WARS2: variants seen among roughly 807,000 people sequenced by gnomAD.
WARS2 encodes tryptophan--tRNA ligase, mitochondrial.
A neutral mutation model predicts 36.5 loss-of-function variants in WARS2; 28 were observed. The observed-to-expected ratio is 0.77, with a 90% CI of 0.57 to 1.05. The LOEUF is 1.05. WARS2 is among the 50% of genes least tolerant of loss of function. WARS2 has a pLI of 0.00. For missense variants in WARS2, 435 were observed against 456.8 expected (o/e 0.95, Z 0.44); for synonymous variants, 174 against 178.4 (o/e 0.98, Z 0.20).
At chr1:119,036,129 G>C (rs1259186858) in intron 4 of WARS2, among the ~76,000 whole-genome samples, 2 of 152,148 alleles carry the variant, frequency 1.3e-5, no homozygotes, top group Admixed American at 1.3e-4. Context: ...TCTTGAACCC[G>C]GAGGCGGAGG....
chr1:119,107,897 C>A (rs188596337), intron 1 of WARS2, among the ~76,000 whole-genome samples: 1 of 151,832 alleles, frequency 6.6e-6, no homozygotes, highest in African/African-American at 2.4e-5. Flanking sequence ...ATGAGTGTTG[C>A]GTTTTGTTAA....
rs587745286 is a variant in WARS2, at chr1:119,121,284, C to A, written c.90+19271G>T. ...TGAGAATCAAATCAAGAACTCAACC[C>A]CTTTTACAACAGCTGCAATAAAATA... is the stretch of plus-strand genomic sequence containing the variant. On this transcript the variant is annotated intron_variant, in intron 1 of 5. Transcript: ENST00000235521. 2.1e-4 allele frequency among the ~76,000 whole-genome samples: 32 copies of A among 152,144 alleles called. No individual in the cohort carries two copies. In the South Asian group the frequency reaches 6.4e-3, roughly 31 times the overall value.
chr1:119,086,581 G>A (rs922861946), intron 1 of WARS2, among the ~76,000 whole-genome samples: 19 of 152,116 alleles, frequency 1.2e-4, no homozygotes, highest in African/African-American at 4.3e-4. Context: ...CCTCACCCCA[G>A]TCAAGCACAA....
Position 119,031,233 on chromosome 1 carries a change from C to T in WARS2, c.*1678G>A, listed in dbSNP as rs540472745. ...ACAGACAATTGGCTTGATAGATCTA[C>T]CTTTAGTTTTGTCATTTTCCAGTAT... On this transcript the variant is annotated 3_prime_UTR_variant, in exon 6 of 6. Transcript: ENST00000235521. The T allele has an allele frequency of 1.3e-5, 2 of 152,252 alleles. No homozygotes were observed. Among genetic ancestry groups the T allele is most frequent in the African/African-American group, 4.8e-5 (2 of 41,528 alleles). The allele number at this position is 152,252 out of a possible 1,614,324, so 9.4% of individuals were successfully genotyped here.
intron 1 of WARS2, among the ~76,000 whole-genome samples, chr1:119,100,913 T>C (rs1296375165): frequency 6.6e-6 from 1 of 152,144 alleles, no homozygotes; most frequent in African/African-American, 2.4e-5. Context: ...GCTGGGACTA[T>C]AGGCTTGAGC....
At chr1:119,085,162 T>G (rs1301727765) in intron 1 of WARS2, 16 of 795,794 alleles carry the variant, frequency 2.0e-5, no homozygotes, top group Non-Finnish European at 3.4e-5. Context: ...CTCCGCCCTC[T>G]GTCCTTATCC....
At chr1:119,051,345 C>G (rs528868631) in intron 2 of WARS2, among the ~76,000 whole-genome samples, 263 of 152,234 alleles carry the variant, frequency 1.7e-3, no homozygotes, top group Non-Finnish European at 3.1e-3. Context: ...CGTCCATGTT[C>G]CTGCAAAGAA....
chr1:119,093,481 C>A (rs1175046735), intron 1 of WARS2, among the ~76,000 whole-genome samples: 8 of 26,694 alleles, frequency 3.0e-4, no homozygotes, highest in Admixed American at 2.7e-3. Flanking sequence ...GTCATAAATA[C>A]AATGACTTGT....
Position 119,056,078 on chromosome 1 carries a change from G to GT in WARS2, c.349-10417dup, listed in dbSNP as rs1649773452. Among the ~76,000 whole-genome samples the GT allele has an allele frequency of 2.7e-5, 4 of 150,592 alleles. No homozygotes were observed. The South Asian group carries it at 8.4e-4, about 32-fold the overall frequency. On this transcript the variant is annotated intron_variant, in intron 2 of 5. Coordinates refer to ENST00000235521, the MANE Select transcript of WARS2 (RefSeq NM_015836.4). ...CTGCTGTCCAGGCTGGAGTGCAGTG[G>GT]TGTGACCTTGGCTCACTGCAGCCTC...
intron 2 of WARS2, among the ~76,000 whole-genome samples, chr1:119,045,966 A>G (rs1377722160): frequency 6.6e-6 from 1 of 152,122 alleles, no homozygotes; most frequent in East Asian, 1.9e-4. Flanking sequence ...CATCTGTTCT[A>G]TCTGTAAAAA....
chr1:119,049,212 G>C (rs948049947), intron 2 of WARS2, among the ~76,000 whole-genome samples: 6 of 152,204 alleles, frequency 3.9e-5, no homozygotes, highest in African/African-American at 1.2e-4. Flanking sequence ...GGCCACTGAC[G>C]GGCGGAACGA....
chr1:119,122,909 GA>G (rs1051933409), intron 1 of WARS2, among the ~76,000 whole-genome samples: 7 of 151,356 alleles, frequency 4.6e-5, no homozygotes, highest in Admixed American at 2.6e-4. Context: ...GGGTGATGGA[GA>G]AAAAAAAGAA....
At chr1:119,133,005 A>G (rs2101574554) in intron 1 of WARS2, among the ~76,000 whole-genome samples, 1 of 152,176 alleles carries the variant, frequency 6.6e-6, no homozygotes, top group Non-Finnish European at 1.5e-5. Flanking sequence ...ATAAATCCCA[A>G]CTAGACCCTA....
At chr1:119,115,167 T>C (rs186343813) in intron 1 of WARS2, among the ~76,000 whole-genome samples, 20 of 152,290 alleles carry the variant, frequency 1.3e-4, no homozygotes, top group African/African-American at 4.8e-4. Flanking sequence ...GGGGATGGGA[T>C]GAAACAATCT....
At chr1:119,067,895 C>A (rs1651003805) in intron 2 of WARS2, among the ~76,000 whole-genome samples, 1 of 151,890 alleles carries the variant, frequency 6.6e-6, no homozygotes, top group Admixed American at 6.6e-5. Context: ...TTCCTATGTC[C>A]AGGATAGAAG....
intron 1 of WARS2, among the ~76,000 whole-genome samples, chr1:119,109,425 C>A (rs1654469373): frequency 6.6e-6 from 1 of 151,966 alleles, no homozygotes; most frequent in African/African-American, 2.4e-5. Context: ...GAATTGACCT[C>A]TTTATCATTA....
intron 1 of WARS2, among the ~76,000 whole-genome samples, chr1:119,101,228 A>G (rs773895577): frequency 4.1e-4 from 62 of 152,302 alleles, no homozygotes; most frequent in Non-Finnish European, 7.6e-4. Flanking sequence ...CTTGATCACT[A>G]TGTATTATAT....
intron 1 of WARS2, among the ~76,000 whole-genome samples, chr1:119,115,786 C>T (rs1273072152): frequency 3.9e-5 from 6 of 152,210 alleles, no homozygotes; most frequent in African/African-American, 1.4e-4. Context: ...GAGTTCTAAT[C>T]ACTGACACCC....
At chr1:119,033,785 A>G (rs1354849918) in intron 5 of WARS2, among the ~76,000 whole-genome samples, 1 of 152,244 alleles carries the variant, frequency 6.6e-6, no homozygotes, top group African/African-American at 2.4e-5. Flanking sequence ...ATTATAAGTC[A>G]AGAAGCATCT....
Sources: allele counts gnomAD v4.1 joint callset (sites outside exome capture counted in the v4.1 genomes callset), GRCh38; gene constraint gnomAD v4.1.1; transcripts MANE v1.5; gene names NCBI Gene and HGNC (gene_info 2026-07-23, HGNC 2026-07-21).